PDE4D: variants seen among roughly 807,000 people sequenced by gnomAD.
PDE4D encodes the protein 3',5'-cyclic-AMP phosphodiesterase 4D.
PDE4D carries 24 observed loss-of-function variants against 87.4 expected under a neutral mutation model. The observed-to-expected ratio is 0.27, with a 90% CI of 0.20 to 0.39. The LOEUF (loss-of-function observed/expected upper bound fraction) is 0.39. Among genes scored for constraint, PDE4D ranks in the 10% least tolerant of loss-of-function variants. The pLI, the probability that PDE4D is intolerant of heterozygous loss-of-function variation, is 1.00. For synonymous variants in PDE4D, 384 were observed against 383.2 expected (o/e 1.00, Z -0.02); for missense variants, 714 against 1,041.0 (o/e 0.69, Z 4.32).
chr5:59,257,050 C>T (rs1221143350), intron 1 of PDE4D, among the ~76,000 whole-genome samples: 6 of 151,970 alleles, frequency 3.9e-5, no homozygotes, highest in Non-Finnish European at 7.4e-5. Flanking sequence ...GTGATACATA[C>T]ATCTTTAATA....
intron 1 of PDE4D, among the ~76,000 whole-genome samples, chr5:59,716,873 CCTA>C (rs1755107403): frequency 6.6e-6 from 1 of 152,124 alleles, no homozygotes; most frequent in African/African-American, 2.4e-5. Context: ...AAACTGTGTG[CCTA>C]CTAAGCACAC....
At chr5:59,091,726 T>C (rs978753752) in intron 5 of PDE4D, among the ~76,000 whole-genome samples, 3 of 152,134 alleles carry the variant, frequency 2.0e-5, no homozygotes, top group African/African-American at 7.2e-5. Context: ...GGGGTGATCA[T>C]AGTAGGTATT....
At chr5:60,046,853 C>T (rs1476592159) in intron 2 of PDE4D, among the ~76,000 whole-genome samples, 1 of 152,124 alleles carries the variant, frequency 6.6e-6, no homozygotes, top group Non-Finnish European at 1.5e-5. Flanking sequence ...CTCTGCCTGG[C>T]TTTGGTATCA....
rs185282803 is a variant in PDE4D at position 59,640,503 on chromosome 5, G to A, written c.455+252665C>T. Among the ~76,000 whole-genome samples the A allele has an allele frequency of 1.7e-3, 257 of 152,164 alleles. 1 individual carries two copies. Among genetic ancestry groups the A allele is most frequent in the African/African-American group, 4.8e-3 (199 of 41,512 alleles). On this transcript the variant is annotated intron_variant, in intron 1 of 14. Transcript: ENST00000340635. ...CAAAGTAGGTTTCAAGCCATTTCACGGAAATTTATACAAGTGCCTTTGTGC... is the reference window on the plus strand; with the variant it reads ...CAAAGTAGGTTTCAAGCCATTTCACAGAAATTTATACAAGTGCCTTTGTGC...
intron 1 of PDE4D, among the ~76,000 whole-genome samples, chr5:59,421,605 A>G (rs1794488636): frequency 6.6e-6 from 1 of 152,168 alleles, no homozygotes; most frequent in Non-Finnish European, 1.5e-5. Context: ...CAACAAAGAA[A>G]TAGAAGAAAA....
intron 1 of PDE4D, among the ~76,000 whole-genome samples, chr5:59,455,960 AC>A (rs1223870209): frequency 2.6e-5 from 4 of 152,062 alleles, no homozygotes; most frequent in Admixed American, 6.6e-5. Context: ...CAATGCCTGT[AC>A]CCCCATTGTA....
At chr5:59,445,888 A>C (rs1291949571) in intron 1 of PDE4D, among the ~76,000 whole-genome samples, 2 of 152,182 alleles carry the variant, frequency 1.3e-5, no homozygotes, top group African/African-American at 2.4e-5. Flanking sequence ...CATGATACAC[A>C]TCAGTGATTT....
chr5:60,237,044 C>T (rs1192200560), intron 1 of PDE4D, among the ~76,000 whole-genome samples: 1 of 151,876 alleles, frequency 6.6e-6, no homozygotes, highest in Non-Finnish European at 1.5e-5. Context: ...GATAAGACAT[C>T]ACTACACACC....
chr5:59,970,429 A>C (rs1187654436), intron 3 of PDE4D, among the ~76,000 whole-genome samples: 5 of 152,152 alleles, frequency 3.3e-5, no homozygotes, highest in African/African-American at 1.2e-4. Flanking sequence ...CAACCTACAA[A>C]ATGGGAGAAA....
At chr5:60,065,646 T>C (rs1338967634) in intron 2 of PDE4D, among the ~76,000 whole-genome samples, 1 of 152,096 alleles carries the variant, frequency 6.6e-6, no homozygotes, top group Non-Finnish European at 1.5e-5. Flanking sequence ...GTCCATGTGT[T>C]CTCATTGTTC....
chr5:59,376,357 T>G (rs1178570521), intron 1 of PDE4D, among the ~76,000 whole-genome samples: 1 of 152,136 alleles, frequency 6.6e-6, no homozygotes, highest in Admixed American at 6.5e-5. Context: ...GAAATTAATG[T>G]GCAAAAATAA....
chr5:59,987,069 C>CA (rs1416446406), intron 3 of PDE4D: 1 of 152,194 alleles, frequency 6.6e-6, no homozygotes, highest in Non-Finnish European at 1.5e-5. Flanking sequence ...TATAACACAT[C>CA]AGAGCCATGA....
intron 2 of PDE4D, among the ~76,000 whole-genome samples, chr5:60,087,174 G>A (rs910527776): frequency 3.3e-5 from 5 of 152,192 alleles, no homozygotes; most frequent in Non-Finnish European, 7.3e-5. Context: ...CCAGCAAAGT[G>A]TTTTTGTACC....
chr5:60,150,843 C>T (rs1781440969), intron 2 of PDE4D, among the ~76,000 whole-genome samples: 1 of 152,232 alleles, frequency 6.6e-6, no homozygotes, highest in African/African-American at 2.4e-5. Flanking sequence ...GGTAACTAGG[C>T]AAACTCATGA....
chr5:60,191,510 G>A (rs187926417), intron 1 of PDE4D, among the ~76,000 whole-genome samples: 125 of 152,076 alleles, frequency 8.2e-4, no homozygotes, highest in Middle Eastern at 3.4e-3. Flanking sequence ...CTTCCCCTTC[G>A]CCTTTCAACA....
intron 1 of PDE4D, among the ~76,000 whole-genome samples, chr5:59,871,628 C>A (rs1747832324): frequency 6.6e-6 from 1 of 152,076 alleles, no homozygotes; most frequent in African/African-American, 2.4e-5. Context: ...TGAATATAAC[C>A]TAAGAAAAAT....
intron 2 of PDE4D, among the ~76,000 whole-genome samples, chr5:60,118,281 T>C (rs2149372348): frequency 6.6e-6 from 1 of 152,288 alleles, no homozygotes; most frequent in Non-Finnish European, 1.5e-5. Context: ...TGGTGACCTC[T>C]GGCTCCTTGA....
intron 1 of PDE4D, among the ~76,000 whole-genome samples, chr5:59,544,063 A>T (rs1253620374): frequency 6.6e-6 from 1 of 152,150 alleles, no homozygotes; most frequent in Non-Finnish European, 1.5e-5. Context: ...GTGGCAACAA[A>T]ATGCTACATG....
intron 6 of PDE4D, among the ~76,000 whole-genome samples, chr5:59,010,898 G>A (rs1238453031): frequency 1.3e-5 from 2 of 152,164 alleles, no homozygotes; most frequent in African/African-American, 4.8e-5. Flanking sequence ...CCCAGTAGGG[G>A]CCAACTGACA....
Sources: gnomAD v4.1 joint callset for allele counts (sites outside exome capture counted in the v4.1 genomes callset) on GRCh38, gnomAD v4.1.1 for gene constraint, MANE v1.5 for transcripts, NCBI Gene and HGNC (gene_info 2026-07-23, HGNC 2026-07-21) for gene names.